Variants in INTS6L observed in about 807,000 individuals in gnomAD.
INTS6L encodes the protein integrator complex subunit 6-like.
INTS6L carries 18 observed loss-of-function variants against 64.7 expected under a neutral mutation model. The observed-to-expected ratio is 0.28, with a 90% CI of 0.19 to 0.41. The LOEUF is 0.41. Ranked by LOEUF, INTS6L falls within the 10% of genes least tolerant of loss-of-function variation. The pLI is 1.00. For synonymous variants in INTS6L, 227 were observed against 235.9 expected, an observed-to-expected ratio of 0.96 and a Z score of 0.34; for missense variants, 533 against 661.0, an observed-to-expected ratio of 0.81 and a Z score of 2.12.
In INTS6L at chrX:135,521,236, C is replaced by G; in HGVS notation, c.112-5C>G. 8.3e-7 allele frequency: 1 copy of G among 1,206,370 alleles called. No individual in the cohort carries two copies. The highest frequency in any genetic ancestry group is 1.1e-6 in the Non-Finnish European group (1 of 892,908). ...CGACCCCCTCCGTCATCCCTTGCCC[C>G]GCAGCTGCGCGCCCGGGACCCGGCC... On this transcript the variant is annotated splice_polypyrimidine_tract_variant and splice_region_variant and intron_variant, in intron 1 of 17. Transcript: ENST00000639893.
chrX:135,573,036 A>G lies in INTS6L; in HGVS notation c.1617+3A>G, dbSNP rs782466211. On this transcript the variant is annotated splice_donor_region_variant and intron_variant, in intron 12 of 17. Coordinates refer to ENST00000639893, the MANE Select transcript of INTS6L (RefSeq NM_001351601.3). ...TCCAAATTGGGCTCTTAAACAAGGT[A>G]AATTGTGACATAAATAGTTTGTATT... The G allele has an allele frequency of 9.0e-5, 106 of 1,173,879 alleles. No individual in the cohort carries two copies. Among genetic ancestry groups the G allele is most frequent in the Non-Finnish European group, 1.2e-4 (106 of 863,647 alleles).
intron 2 of INTS6L, among the ~76,000 whole-genome samples, chrX:135,524,116 C>G (rs2085666227): frequency 1.8e-5 from 2 of 111,905 alleles, no homozygotes; most frequent in Admixed American, 9.5e-5. Context: ...TTCAATCACT[C>G]TCCTGCCAGC....
intron 2 of INTS6L, among the ~76,000 whole-genome samples, chrX:135,534,659 C>T (rs1556507514): frequency 1.9e-5 from 2 of 107,653 alleles, no homozygotes; most frequent in East Asian, 5.8e-4. Context: ...AAAACTGAAT[C>T]CAAGAGAACT....
intron 14 of INTS6L, among the ~76,000 whole-genome samples, chrX:135,575,785 A>AGTGT (rs10636685): frequency 0.035 from 3,459 of 99,768 alleles, 52 homozygotes; most frequent in Middle Eastern, 0.084. Flanking sequence ...AAATGTGGGG[A>AGTGT]GTGTGTGTGT....
intron 2 of INTS6L, among the ~76,000 whole-genome samples, chrX:135,527,484 T>C (rs781798076): frequency 8.9e-6 from 1 of 111,864 alleles, no homozygotes; most frequent in African/African-American, 3.3e-5. Context: ...ATATGGGAAA[T>C]GTAAAGAGCA....
At chrX:135,570,189 G>T (rs1413991059) in intron 10 of INTS6L, 5 of 243,261 alleles carry the variant, frequency 2.1e-5, no homozygotes, top group Non-Finnish European at 3.7e-5. Context: ...AAGATTGAAC[G>T]CAATTTACTT....
intron 2 of INTS6L, among the ~76,000 whole-genome samples, chrX:135,541,303 T>A (rs2086212098): frequency 8.9e-6 from 1 of 112,379 alleles, no homozygotes; most frequent in African/African-American, 3.2e-5. Flanking sequence ...TTTAAAAATT[T>A]CTACTAGCCA....
chrX:135,577,072 A>G, intron 14 of INTS6L, 121 bp from the exon 15 acceptor site: 8 of 682,099 alleles, frequency 1.2e-5, no homozygotes, highest in Non-Finnish European at 1.8e-5. Context: ...AATGAAAGAA[A>G]AAAAGACATA....
At chrX:135,566,503 CA>C (rs1241120204) in intron 9 of INTS6L, among the ~76,000 whole-genome samples, 1 of 111,895 alleles carries the variant, frequency 8.9e-6, no homozygotes, top group Non-Finnish European at 1.9e-5. Context: ...CTGCATAGTA[CA>C]GTAATTGTTC....
rs1556495923 is a variant in INTS6L at position 135,520,966 on chromosome X, G to A, written c.-27G>A. The stretch of plus-strand genomic sequence containing the variant: ...GAGGGCAAGAGGGCCGGGAGAGTGG[G>A]GAGCGGAGGCAGGAGTGCGGGGGAA... On this transcript the variant is annotated 5_prime_UTR_variant, in exon 1 of 18. Coordinates refer to ENST00000639893, the MANE Select transcript of INTS6L (RefSeq NM_001351601.3). The A allele has an allele frequency of 1.7e-6, 2 of 1,196,306 alleles. No homozygotes were observed. The highest frequency in any genetic ancestry group is 3.0e-5 in the East Asian group (1 of 33,757).
At chrX:135,575,852 T>C in intron 14 of INTS6L, among the ~76,000 whole-genome samples, 1 of 110,243 alleles carries the variant, frequency 9.1e-6, no homozygotes, top group South Asian at 3.9e-4. Context: ...CATTAAAGCA[T>C]GAAAACAAAT....
chrX:135,526,240 T>C (rs2085732140), intron 2 of INTS6L, among the ~76,000 whole-genome samples: 1 of 111,399 alleles, frequency 9.0e-6, no homozygotes, highest in Non-Finnish European at 1.9e-5. Context: ...GCCCTCAGAT[T>C]GGTCATTCTT....
At chrX:135,544,734 A>G (rs2086311257) in intron 2 of INTS6L, among the ~76,000 whole-genome samples, 1 of 111,842 alleles carries the variant, frequency 8.9e-6, no homozygotes, top group African/African-American at 3.3e-5. Context: ...AAACCAATCA[A>G]TCACAGCATG....
intron 9 of INTS6L, among the ~76,000 whole-genome samples, chrX:135,561,401 C>A (rs1430615832): frequency 8.9e-6 from 1 of 112,018 alleles, no homozygotes; most frequent in African/African-American, 3.2e-5. Context: ...GCATATAATT[C>A]TTTTCATATA....
Position 135,581,670 on chromosome X carries a change from T to C in INTS6L, c.*34T>C. Reference sequence around the variant, plus strand: ...CCAGTGAGAAAAAAATGACAAGTTTTCTGTGCTGTAGGATGGAACAGGATA... The same window carrying C: ...CCAGTGAGAAAAAAATGACAAGTTTCCTGTGCTGTAGGATGGAACAGGATA... On this transcript the variant is annotated 3_prime_UTR_variant, in exon 18 of 18. Coordinates refer to ENST00000639893, the MANE Select transcript of INTS6L (RefSeq NM_001351601.3). The C allele has an allele frequency of 8.9e-7, 1 of 1,120,622 alleles. No homozygotes were observed. The highest frequency in any genetic ancestry group is 1.2e-6 in the Non-Finnish European group (1 of 813,796). The allele number at this position is 1,120,622 out of a possible 1,213,427, so 92.4% of individuals were successfully genotyped here. A position where few individuals can be genotyped will look rare whatever the true frequency, so the allele number is the denominator to read the frequency against.
chrX:135,555,714 G>A (rs911906737), intron 8 of INTS6L, among the ~76,000 whole-genome samples: 12 of 111,032 alleles, frequency 1.1e-4, no homozygotes, highest in South Asian at 7.6e-4. Flanking sequence ...TTTGAGACAG[G>A]GTCTCGCTCT....
chrX:135,527,484 T>G (rs781798076), intron 2 of INTS6L, among the ~76,000 whole-genome samples: 1 of 111,919 alleles, frequency 8.9e-6, no homozygotes, highest in East Asian at 2.8e-4. Context: ...ATATGGGAAA[T>G]GTAAAGAGCA....
At chrX:135,527,065 T>G (rs2085759279) in intron 2 of INTS6L, among the ~76,000 whole-genome samples, 1 of 112,041 alleles carries the variant, frequency 8.9e-6, no homozygotes, top group African/African-American at 3.2e-5. Context: ...ACATGAATCC[T>G]AATGACTTGA....
intron 17 of INTS6L, 25 bp downstream of exon 17, chrX:135,581,168 AT>A: frequency 8.9e-7 from 1 of 1,121,049 alleles, no homozygotes; most frequent in Non-Finnish European, 1.2e-6. Flanking sequence ...GAACTCTTCA[AT>A]TTTTTGTTTT....
Sources: gnomAD v4.1 joint callset for allele counts (sites outside exome capture counted in the v4.1 genomes callset) on GRCh38, gnomAD v4.1.1 for gene constraint, MANE v1.5 for transcripts, NCBI Gene and HGNC (gene_info 2026-07-23, HGNC 2026-07-21) for gene names.